The following RBM24 variants were observed in gnomAD, a reference collection of about 807,000 sequenced individuals.
The protein encoded by RBM24 is RNA-binding protein 24.
In RBM24, 5 loss-of-function variants were observed where a neutral mutation model predicts 23.6. The observed-to-expected ratio is 0.21, with a 90% CI of 0.11 to 0.45. The LOEUF is 0.45. Among genes scored for constraint, RBM24 ranks in the 20% least tolerant of loss-of-function variants. RBM24 has a pLI of 0.99. For missense variants in RBM24, 252 were observed against 314.6 expected, an observed-to-expected ratio of 0.80 and a Z score of 1.51; for synonymous variants, 151 against 129.5, an observed-to-expected ratio of 1.17 and a Z score of -1.13.
At chr6:17,290,216 G>A (rs1311226156) in intron 3 of RBM24, 1 of 690,780 alleles carries the variant, frequency 1.4e-6, no homozygotes, top group East Asian at 6.7e-5. Context: ...AAATCTACAA[G>A]TGCTGTTTTC....
At chr6:17,290,209 T>A (rs936943512) in intron 3 of RBM24, 1 of 715,464 alleles carries the variant, frequency 1.4e-6, no homozygotes, top group Non-Finnish European at 2.1e-6. Context: ...TTCTGAAAAA[T>A]CTACAAGTGC....
Position 17,281,848 on chromosome 6 carries a change from A to C in RBM24, c.168+99A>C, listed in dbSNP as rs571697206. ...GAGGGGCTCGGCGTGACCCGTGAGG[A>C]GCCCCGCGGGTAGAGCGGCGCTGCC... is the stretch of plus-strand genomic sequence containing the variant. On this transcript the variant is annotated intron_variant, in intron 1 of 3. Transcript: ENST00000379052. This position sits in a 1 kb window ranked among gnomAD's most constrained non-coding sequence, Gnocchi z 7.1. The C allele has an allele frequency of 2.4e-4, 350 of 1,452,770 alleles. 1 individual carries two copies. In the African/African-American group the frequency reaches 3.3e-3, roughly 14 times the overall value. The allele number at this position is 1,452,770 out of a possible 1,614,324, so 90.0% of individuals were successfully genotyped here.
rs748372258 is a variant in RBM24 at position 17,291,913 on chromosome 6, G to A, written c.505G>A (p.Ala169Thr). Residue 169 changes from alanine to threonine, a missense_variant, in exon 4 of 4, where the codon GCC becomes ACC. By Grantham distance (58) the Ala-to-Thr change is moderately conservative (BLOSUM62 0). Transcript: ENST00000379052. ...QYSAAAAAAA[A>T]AAAYDQYPYA... ...CTCAGCAGCTGCTGCTGCTGCCGCCGCCGCTGCTGCCTATGACCAGTACCC... is the reference window on the plus strand; with the variant it reads ...CTCAGCAGCTGCTGCTGCTGCCGCCACCGCTGCTGCCTATGACCAGTACCC... The A allele has an allele frequency of 1.9e-6, 3 of 1,613,410 alleles. No homozygotes were observed. Among genetic ancestry groups the A allele is most frequent in the Non-Finnish European group, 2.5e-6 (3 of 1,179,872 alleles).
chr6:17,283,233 G>GCCACC (rs1760084764), intron 2 of RBM24: 1 of 317,578 alleles, frequency 3.1e-6, no homozygotes, highest in Admixed American at 4.1e-5. Flanking sequence ...CCAATTTTTA[G>GCCACC]CCACCTGTAG....
In RBM24 at chr6:17,291,865, A is replaced by C; in HGVS notation, c.457A>C (p.Thr153Pro). The C allele has an allele frequency of 6.2e-7, 1 of 1,613,872 alleles. No individual in the cohort carries two copies. Among genetic ancestry groups the C allele is most frequent in the Non-Finnish European group, 8.5e-7 (1 of 1,179,976 alleles). The change falls in exon 4 of 4, where the codon ACT becomes CCT. Residue 153 changes from threonine (T) to proline (P), a missense_variant. By Grantham distance (38) the Thr-to-Pro change is conservative. Coordinates refer to ENST00000379052, the MANE Select transcript of RBM24 (RefSeq NM_001143942.2). ...AASTTPYIDYTGAAYAQYSAA... is the reference protein window; with the variant it reads ...AASTTPYIDYPGAAYAQYSAA... ...CTCCACCACCCCTTACATTGATTAC[A>C]CTGGAGCTGCATACGCACAATACTC...
chr6:17,282,089 C>T, intron 1 of RBM24: 1 of 1,231,860 alleles, frequency 8.1e-7, no homozygotes, highest in South Asian at 1.5e-5. Flanking sequence ...GGCTGGATGC[C>T]GGTTGTTAAG....
intron 3 of RBM24, chr6:17,284,992 C>G (rs980249994): frequency 3.5e-6 from 1 of 288,506 alleles, no homozygotes; most frequent in East Asian, 6.2e-5. Flanking sequence ...CGATTGTGTC[C>G]CATCACCATT....
In RBM24 at chr6:17,293,603, C is replaced by T. The variant is rs945421521; in HGVS notation, c.*1484C>T. On this transcript the variant is annotated 3_prime_UTR_variant, in exon 4 of 4. Transcript: ENST00000379052. ...TTTTCTTCTGAAACTGCAATACTTG[C>T]AATTTTTATTCTTAAACTAAATTGA... The T allele has an allele frequency of 6.6e-6, 1 of 152,492 alleles. No individual in the cohort carries two copies. Among genetic ancestry groups the T allele is most frequent in the Non-Finnish European group, 1.5e-5 (1 of 67,992 alleles). The allele number at this position is 152,492 out of a possible 1,614,324, so 9.4% of individuals were successfully genotyped here. A position where few individuals can be genotyped will look rare whatever the true frequency, so the allele number is the denominator to read the frequency against.
At chr6:17,284,137 A>G (rs1233460809) in intron 2 of RBM24, among the ~76,000 whole-genome samples, 2 of 152,232 alleles carry the variant, frequency 1.3e-5, no homozygotes, top group Admixed American at 6.5e-5. Flanking sequence ...GTGTTTGTGC[A>G]AATATTCATG....
At position 17,292,056 on chromosome 6, in the gene RBM24, T is replaced by G; in HGVS notation, c.648T>G (p.Ala216=). The G allele has an allele frequency of 6.3e-7, 1 of 1,593,106 alleles. No homozygotes were observed. Among genetic ancestry groups the G allele is most frequent in the Non-Finnish European group, 8.5e-7 (1 of 1,174,566 alleles). ...PGTAAAAAAA[A]AAAAAFGQYQ... is the part of the protein sequence containing the mutation. The stretch of plus-strand genomic sequence containing the variant: ...CAGCTGCCGCCGCCGCTGCAGCAGC[T>G]GCTGCCGCTGCAGCATTTGGCCAGT... Residue 216 remains alanine (A), a synonymous_variant, in exon 4 of 4, where the codon GCT becomes GCG. Coordinates refer to ENST00000379052, the MANE Select transcript of RBM24 (RefSeq NM_001143942.2).
intron 1 of RBM24, chr6:17,282,032 G>A: frequency 7.7e-7 from 1 of 1,300,834 alleles, no homozygotes; most frequent in Non-Finnish European, 9.9e-7. Flanking sequence ...TTTGGGGTGC[G>A]GAGGGTTGCG....
chr6:17,286,121 T>A (rs2113401574), intron 3 of RBM24, among the ~76,000 whole-genome samples: 1 of 152,178 alleles, frequency 6.6e-6, no homozygotes, highest in Admixed American at 6.5e-5. Flanking sequence ...TAAAGTTATA[T>A]TTCCCATGAC....
In RBM24 at chr6:17,292,041, C is replaced by T. The variant is rs552546103; in HGVS notation, c.633C>T (p.Ala211=). ...ITAAAPGTAA[A]AAAAAAAAAA... ...CAGCGGCACCTGGGACAGCTGCCGCCGCCGCTGCAGCAGCTGCTGCCGCTG... is the reference window on the plus strand; with the variant it reads ...CAGCGGCACCTGGGACAGCTGCCGCTGCCGCTGCAGCAGCTGCTGCCGCTG... Residue 211 remains alanine (A), a synonymous_variant, in exon 4 of 4, where the codon GCC becomes GCT. Coordinates refer to ENST00000379052, the MANE Select transcript of RBM24 (RefSeq NM_001143942.2). 10 of 1,596,956 alleles carry T rather than the reference C, an allele frequency of 6.3e-6. No homozygotes were observed. The highest frequency in any genetic ancestry group is 4.5e-5 in the East Asian group (2 of 44,768).
At chr6:17,290,059 T>G in intron 3 of RBM24, 3 of 1,289,424 alleles carry the variant, frequency 2.3e-6, no homozygotes, top group African/African-American at 3.0e-5. Context: ...GGGAAACATC[T>G]ACAAGTCTGG....
chr6:17,283,123 T>C (rs1760080736), intron 2 of RBM24, 195 bp downstream of exon 2: 1 of 540,388 alleles, frequency 1.9e-6, no homozygotes, highest in Non-Finnish European at 3.3e-6. Context: ...GAAATGTACC[T>C]GTGTGCAAAA....
At chr6:17,282,558 T>A in intron 1 of RBM24, 1 of 512,700 alleles carries the variant, frequency 2.0e-6, no homozygotes, top group Non-Finnish European at 3.4e-6. Flanking sequence ...GGCGGTGGGG[T>A]GGGGGGAGGC....
At chr6:17,289,757 C>A in intron 3 of RBM24, 2 of 1,062,460 alleles carry the variant, frequency 1.9e-6, no homozygotes, top group East Asian at 7.8e-5. Context: ...GCTGGAAACC[C>A]TTGTCGCATG....
At chr6:17,290,175 G>A in intron 3 of RBM24, 2 of 1,048,286 alleles carry the variant, frequency 1.9e-6, no homozygotes, top group Non-Finnish European at 2.6e-6. Context: ...GTAAAACTCT[G>A]AAAAGGCAAA....
chr6:17,288,562 CAT>C (rs1266475186), intron 3 of RBM24: 21 of 985,274 alleles, frequency 2.1e-5, no homozygotes, highest in Admixed American at 6.2e-5. Flanking sequence ...AAAAAAGAAA[CAT>C]ATGAGACTAA....
Sources: allele counts gnomAD v4.1 joint callset (sites outside exome capture counted in the v4.1 genomes callset), GRCh38; gene constraint gnomAD v4.1.1; non-coding constraint Gnocchi (gnomAD v3.1); transcripts MANE v1.5; gene names NCBI Gene and HGNC (gene_info 2026-07-23, HGNC 2026-07-21).